ANKRD42: variants seen among roughly 807,000 people sequenced by gnomAD.
ANKRD42 encodes the protein ankyrin repeat domain 42.
In ANKRD42, 43 loss-of-function variants were observed where a neutral mutation model predicts 51.5. The observed-to-expected ratio is 0.83, with a 90% CI of 0.65 to 1.08. ANKRD42 has a LOEUF of 1.08. Ranked by LOEUF, ANKRD42 falls within the 50% of genes least tolerant of loss-of-function variation. The pLI, the probability that ANKRD42 is intolerant of heterozygous loss-of-function variation, is 0.00. For synonymous variants in ANKRD42, 203 were observed against 213.0 expected (o/e 0.95, Z 0.41); for missense variants, 608 against 629.3 (o/e 0.97, Z 0.36).
At chr11:83,218,080 C>T (rs1369021393) in intron 5 of ANKRD42, among the ~76,000 whole-genome samples, 1 of 152,204 alleles carries the variant, frequency 6.6e-6, no homozygotes, top group African/African-American at 2.4e-5. Context: ...AATAAGTTGG[C>T]CTTCCAGGGA....
At chr11:83,201,220 A>G (rs995754464) in intron 2 of ANKRD42, among the ~76,000 whole-genome samples, 5 of 151,798 alleles carry the variant, frequency 3.3e-5, no homozygotes, top group Admixed American at 6.6e-5. Context: ...TTATTGTTCA[A>G]CTTCCACTTA....
chr11:83,228,170 G>T (rs547300776), intron 7 of ANKRD42, among the ~76,000 whole-genome samples: 1 of 141,562 alleles, frequency 7.1e-6, no homozygotes, highest in Non-Finnish European at 1.5e-5. Context: ...AGTTTCTTAG[G>T]ATAACATTTT....
At chr11:83,225,766 G>A (rs1399834015) in intron 6 of ANKRD42, among the ~76,000 whole-genome samples, 1 of 124,294 alleles carries the variant, frequency 8.0e-6, no homozygotes, top group African/African-American at 3.1e-5. Flanking sequence ...GGCAGCAAGA[G>A]CGAAACTCCA....
chr11:83,232,881 T>C (rs1863115860), intron 7 of ANKRD42, among the ~76,000 whole-genome samples: 1 of 152,248 alleles, frequency 6.6e-6, no homozygotes, highest in African/African-American at 2.4e-5. Context: ...ATGTATCATA[T>C]TGATTGATTT....
chr11:83,263,663 CCTTT>C (rs1864066136), downstream of ANKRD42, among the ~76,000 whole-genome samples: 1 of 152,126 alleles, frequency 6.6e-6, no homozygotes, highest in Non-Finnish European at 1.5e-5. Context: ...CATTCAGACT[CCTTT>C]CTGAGGATTT....
chr11:83,217,604 G>A (rs1372101136), intron 5 of ANKRD42, among the ~76,000 whole-genome samples: 1 of 152,216 alleles, frequency 6.6e-6, no homozygotes, highest in African/African-American at 2.4e-5. Context: ...CTCTGTGAGG[G>A]TGATGGCATG....
At chr11:83,203,353 C>T (rs1336463518) in intron 2 of ANKRD42, among the ~76,000 whole-genome samples, 1 of 151,292 alleles carries the variant, frequency 6.6e-6, no homozygotes. Context: ...TTTCTCTATT[C>T]CTACTTAAAG....
At chr11:83,208,523 TAAG>T (rs1862173806) in intron 3 of ANKRD42, among the ~76,000 whole-genome samples, 1 of 152,024 alleles carries the variant, frequency 6.6e-6, no homozygotes, top group Non-Finnish European at 1.5e-5. Context: ...AAGGAAGAGT[TAAG>T]AAGATCAGTT....
chr11:83,245,980 G>C (rs1863529745), intron 10 of ANKRD42, among the ~76,000 whole-genome samples: 1 of 152,154 alleles, frequency 6.6e-6, no homozygotes. Flanking sequence ...CTGAGACTAG[G>C]TCTTGTGTTC....
intron 7 of ANKRD42, among the ~76,000 whole-genome samples, chr11:83,228,956 T>G (rs1421318927): frequency 6.6e-6 from 1 of 151,706 alleles, no homozygotes; most frequent in South Asian, 2.1e-4. Context: ...TTTTTTTGTT[T>G]TTTTTTTAAT....
intron 7 of ANKRD42, among the ~76,000 whole-genome samples, chr11:83,234,042 A>G (rs904915011): frequency 6.6e-6 from 1 of 152,168 alleles, no homozygotes; most frequent in African/African-American, 2.4e-5. Context: ...TATAACTACA[A>G]TATTTCCTCT....
rs768602964 is a variant in ANKRD42 at position 83,211,378 on chromosome 11, T to C, written c.534T>C (p.Leu178=). The change falls in exon 5 of 11, where the codon CTT becomes CTC. Residue 178 remains leucine (L), a synonymous_variant. Transcript: ENST00000533342. ...FHGRLGCLQL[L]VKWGCSIEDV... is the part of the protein sequence containing the mutation. The stretch of plus-strand genomic sequence containing the variant: ...GGCGGCTTGGCTGCTTGCAACTTCT[T>C]GTTAAATGGGGTTGTAGCATAGAAG... 1 of 1,614,202 alleles carries C rather than the reference T, an allele frequency of 6.2e-7. No individual in the cohort carries two copies. The highest frequency in any genetic ancestry group is 8.5e-7 in the Non-Finnish European group (1 of 1,180,022).
intron 5 of ANKRD42, chr11:83,214,880 C>T (rs1368447932): frequency 1.3e-5 from 2 of 152,234 alleles, no homozygotes; most frequent in African/African-American, 4.8e-5. Flanking sequence ...TTGCTCTCTC[C>T]GTGCTACCCT....
At position 83,248,045 on chromosome 11, in the gene ANKRD42, G is replaced by A; in HGVS notation, c.1425G>A (p.Arg475=). 6.2e-7 allele frequency: 1 copy of A among 1,601,236 alleles called. No homozygotes were observed. The highest frequency in any genetic ancestry group is 8.5e-7 in the Non-Finnish European group (1 of 1,173,266). The part of the protein sequence containing the change: ...DEYRAEVDQL[R]ETLEKIQVPN... ...ATCGAGCAGAAGTTGATCAACTCAGGGAAACACTGGAAAAAATTCAAGTCC... is the reference window on the plus strand; with the variant it reads ...ATCGAGCAGAAGTTGATCAACTCAGAGAAACACTGGAAAAAATTCAAGTCC... The change falls in exon 11 of 11, where the codon AGG becomes AGA. Residue 475 remains arginine (R), a synonymous_variant. Transcript: ENST00000533342.
At chr11:83,195,974 T>C (rs964998209) in intron 1 of ANKRD42, among the ~76,000 whole-genome samples, 7 of 151,736 alleles carry the variant, frequency 4.6e-5, no homozygotes, top group Admixed American at 1.3e-4. Flanking sequence ...GCCTCCCGAG[T>C]AGCTAGGGCA....
At chr11:83,263,673 G>T (rs923678238), downstream of ANKRD42, among the ~76,000 whole-genome samples, 1 of 152,182 alleles carries the variant, frequency 6.6e-6, no homozygotes, top group Non-Finnish European at 1.5e-5. Context: ...CCTTTCTGAG[G>T]ATTTTAAAAA....
intron 1 of ANKRD42, 133 bp downstream of exon 1, chr11:83,194,861 C>T (rs1861574711): frequency 1.1e-6 from 1 of 907,232 alleles, no homozygotes; most frequent in Non-Finnish European, 1.6e-6. Flanking sequence ...AATTTATTTT[C>T]AGGGGATACC....
chr11:83,222,573 A>G (rs1862747509), intron 5 of ANKRD42, among the ~76,000 whole-genome samples: 2 of 152,214 alleles, frequency 1.3e-5, no homozygotes, highest in Non-Finnish European at 2.9e-5. Context: ...CATCTGAAGG[A>G]GCTGAGGAAG....
intron 5 of ANKRD42, chr11:83,213,659 A>G (rs1862414667): frequency 5.0e-6 from 4 of 793,266 alleles, no homozygotes; most frequent in Admixed American, 9.8e-5. Context: ...CGTACGTTTA[A>G]AGGCTATTTG....
Sources: gnomAD v4.1 joint callset for allele counts (sites outside exome capture counted in the v4.1 genomes callset) on GRCh38, gnomAD v4.1.1 for gene constraint, MANE v1.5 for transcripts, NCBI Gene and HGNC (gene_info 2026-07-23, HGNC 2026-07-21) for gene names.